GSE1: variants seen among roughly 807,000 people sequenced by gnomAD.
GSE1 encodes the protein genetic suppressor element 1.
A neutral mutation model predicts 112.6 loss-of-function variants in GSE1; 32 were observed. The ratio of observed to expected loss-of-function variants is 0.28; its 90% CI spans 0.21 to 0.38. The LOEUF (loss-of-function observed/expected upper bound fraction) is 0.38. GSE1 is among the 10% of genes least tolerant of loss of function. The pLI is 1.00. For missense variants in GSE1, 2,348 were observed against 1,699.2 expected (o/e 1.38, Z -6.71); for synonymous variants, 1,115 against 735.6 (o/e 1.52, Z -8.35).
At chr16:85,597,295 A>G (rs576724485) in intron 1 of GSE1, among the ~76,000 whole-genome samples, 3 of 146,374 alleles carry the variant, frequency 2.0e-5, no homozygotes, top group African/African-American at 7.7e-5. Flanking sequence ...ATTGCTTTGA[A>G]CCCAGGAGAC....
At chr16:85,518,206 G>T (rs1459370507) in intron 2 of GSE1, among the ~76,000 whole-genome samples, 1 of 152,382 alleles carries the variant, frequency 6.6e-6, no homozygotes, top group African/African-American at 2.4e-5. Context: ...TGACGCCTTG[G>T]TGGGGGGCTT....
chr16:85,335,847 G>A (rs2046470985), intron 1 of GSE1, among the ~76,000 whole-genome samples: 1 of 150,386 alleles, frequency 6.6e-6, no homozygotes, highest in East Asian at 2.0e-4. Flanking sequence ...GGAGCAGGGC[G>A]GGACACCCTT....
At chr16:85,401,346 G>C (rs550005670) in intron 2 of GSE1, among the ~76,000 whole-genome samples, 1 of 150,612 alleles carries the variant, frequency 6.6e-6, no homozygotes, top group African/African-American at 2.4e-5. Flanking sequence ...GGGAGTACCC[G>C]GGCCATCAGA....
chr16:85,311,418 A>G lies in GSE1; in HGVS notation c.2284-46045A>G, dbSNP rs2045842257. On this transcript the variant is annotated intron_variant, in intron 1 of 2. Transcript: ENST00000637419. This position sits in a 1 kb window ranked among gnomAD's most constrained non-coding sequence, Gnocchi z 4.2. Reference sequence around the variant, plus strand: ...CCAGGTCAGCAGCAGCATCGGAGGCAACCTGCCCTCGTGGCACCACAAGAG... The same window carrying G: ...CCAGGTCAGCAGCAGCATCGGAGGCGACCTGCCCTCGTGGCACCACAAGAG... Among the ~76,000 whole-genome samples the G allele has an allele frequency of 6.6e-6, 1 of 152,044 alleles. No homozygotes were observed. The highest frequency in any genetic ancestry group is 6.5e-5 in the Admixed American group (1 of 15,276).
At chr16:85,655,975 G>A (rs933201682) in intron 6 of GSE1, 58 bp downstream of exon 6, 2 of 1,411,928 alleles carry the variant, frequency 1.4e-6, no homozygotes, top group Non-Finnish European at 9.7e-7. Flanking sequence ...GATGGCAGCT[G>A]GGCAGAAAGC....
At chr16:85,395,898 G>A (rs944627309) in intron 2 of GSE1, among the ~76,000 whole-genome samples, 12 of 150,268 alleles carry the variant, frequency 8.0e-5, no homozygotes, top group Admixed American at 6.6e-4. Context: ...CCCCGCAGAA[G>A]GGCTGCGTGA....
At chr16:85,490,279 T>C (rs1447293313) in intron 2 of GSE1, 2 of 152,240 alleles carry the variant, frequency 1.3e-5, no homozygotes, top group Non-Finnish European at 2.9e-5. Flanking sequence ...TAGGTGCTCA[T>C]GTGGGCAGGT....
chr16:85,528,172 G>A (rs902848485), intron 2 of GSE1, among the ~76,000 whole-genome samples: 9 of 152,254 alleles, frequency 5.9e-5, no homozygotes, highest in East Asian at 1.9e-4. Flanking sequence ...TCTCACCCCC[G>A]TGAAGCGTGC....
intron 2 of GSE1, among the ~76,000 whole-genome samples, chr16:85,364,200 C>T (rs933548204): frequency 6.6e-6 from 1 of 152,164 alleles, no homozygotes; most frequent in Non-Finnish European, 1.5e-5. Context: ...CCTTGACTTG[C>T]GGCCCCTCCC....
chr16:85,218,765 T>C (rs1434630905), intron 1 of GSE1, among the ~76,000 whole-genome samples: 2 of 152,228 alleles, frequency 1.3e-5, no homozygotes, highest in Non-Finnish European at 2.9e-5. Context: ...TACTTCATCT[T>C]TGCTTCCACA....
At chr16:85,513,879 C>T (rs2051829868) in intron 2 of GSE1, among the ~76,000 whole-genome samples, 2 of 152,044 alleles carry the variant, frequency 1.3e-5, no homozygotes. Context: ...ATGCAGAAAT[C>T]GGGACCCCAC....
chr16:85,463,458 G>A (rs951003166), intron 2 of GSE1, among the ~76,000 whole-genome samples: 2 of 152,214 alleles, frequency 1.3e-5, no homozygotes, highest in Non-Finnish European at 2.9e-5. Flanking sequence ...TTGCTGCACC[G>A]CAGGGCTCTG....
chr16:85,357,331 A>G (rs1306555490), intron 1 of GSE1: 3 of 443,998 alleles, frequency 6.8e-6, no homozygotes, highest in Non-Finnish European at 1.0e-5. Flanking sequence ...TGAGCCAGCC[A>G]GTCTGAGTTC....
intron 1 of GSE1, among the ~76,000 whole-genome samples, chr16:85,619,245 C>T (rs1416778599): frequency 6.6e-6 from 1 of 152,340 alleles, no homozygotes; most frequent in Admixed American, 6.5e-5. Context: ...ACAAACTGTC[C>T]CTCCCCCAGC....
chr16:85,383,955 A>G (rs2047626059), intron 2 of GSE1, among the ~76,000 whole-genome samples: 1 of 152,078 alleles, frequency 6.6e-6, no homozygotes, highest in South Asian at 2.1e-4. Context: ...GGCCATCCTC[A>G]CAGGGGCTTG....
chr16:85,394,377 G>A (rs1040411247), intron 2 of GSE1, among the ~76,000 whole-genome samples: 32 of 152,218 alleles, frequency 2.1e-4, no homozygotes, highest in African/African-American at 7.5e-4. Context: ...GGGTGTAGAG[G>A]GAGAGTTCTC....
intron 2 of GSE1, among the ~76,000 whole-genome samples, chr16:85,446,448 G>C (rs936901746): frequency 6.6e-6 from 1 of 152,198 alleles, no homozygotes; most frequent in Non-Finnish European, 1.5e-5. Flanking sequence ...CACGTGATAG[G>C]CATGGGTGGG....
rs370555539 is a variant in GSE1, at chr16:85,190,137, T to C, written c.2283+18330T>C. On this transcript the variant is annotated intron_variant, in intron 1 of 2. Coordinates refer to the GSE1 transcript ENST00000637419. ...CCAAGCCTGATCTTCTCTCTATGCATTGAGCCAGTGGAGGCTAAAGCAATT... is the reference window on the plus strand; with the variant it reads ...CCAAGCCTGATCTTCTCTCTATGCACTGAGCCAGTGGAGGCTAAAGCAATT... 6.4e-4 allele frequency among the ~76,000 whole-genome samples: 97 copies of C among 152,348 alleles called. No homozygotes were observed. In the East Asian group the frequency reaches 0.017, roughly 27 times the overall value.
intron 2 of GSE1, among the ~76,000 whole-genome samples, chr16:85,434,311 T>C (rs1304885068): frequency 2.4e-5 from 1 of 41,242 alleles, no homozygotes; most frequent in East Asian, 5.5e-4. Context: ...GGTGGTCTAA[T>C]AATAATAATA....
Sources: allele counts gnomAD v4.1 joint callset (sites outside exome capture counted in the v4.1 genomes callset), GRCh38; gene constraint gnomAD v4.1.1; non-coding constraint Gnocchi (gnomAD v3.1); transcripts MANE v1.5; gene names NCBI Gene and HGNC (gene_info 2026-07-23, HGNC 2026-07-21).